The following FOXN2 variants were observed in gnomAD, a reference collection of about 807,000 sequenced individuals.
The protein encoded by FOXN2 is forkhead box protein N2.
Under a neutral mutation model 41.2 loss-of-function variants are expected in FOXN2, and 19 were observed. That is an observed-to-expected ratio of 0.46 (90% confidence interval 0.32 to 0.68). FOXN2 has a LOEUF of 0.68. Among genes scored for constraint, FOXN2 ranks in the 30% least tolerant of loss-of-function variants. FOXN2 has a pLI of 0.03. For missense variants in FOXN2, 587 were observed against 509.4 expected (o/e 1.15, Z -1.47); for synonymous variants, 195 against 176.8 (o/e 1.10, Z -0.82).
At chr2:48,338,151 C>T (rs988139693) in intron 2 of FOXN2, among the ~76,000 whole-genome samples, 4 of 152,194 alleles carry the variant, frequency 2.6e-5, no homozygotes, top group Admixed American at 1.3e-4. Flanking sequence ...ATAGGTAACA[C>T]AAAAAAACTT....
intron 4 of FOXN2, among the ~76,000 whole-genome samples, chr2:48,361,246 C>T (rs902698486): frequency 3.3e-5 from 5 of 151,982 alleles, no homozygotes; most frequent in Admixed American, 6.6e-5. Flanking sequence ...GCCAGTGGAT[C>T]ACCTGAGGTC....
upstream of FOXN2, chr2:48,314,569 C>T (rs1021704643): frequency 2.0e-5 from 3 of 152,050 alleles, no homozygotes; most frequent in African/African-American, 7.2e-5. Flanking sequence ...GGAGGCGGGA[C>T]TGGAGGGAGG....
intron 3 of FOXN2, among the ~76,000 whole-genome samples, chr2:48,349,412 A>G (rs775441856): frequency 1.3e-5 from 2 of 152,078 alleles, no homozygotes; most frequent in Non-Finnish European, 2.9e-5. Flanking sequence ...GAACCCTCGG[A>G]GGTTGCAGTG....
chr2:48,336,128 G>A (rs971481317), intron 2 of FOXN2, among the ~76,000 whole-genome samples: 2 of 151,966 alleles, frequency 1.3e-5, no homozygotes, highest in African/African-American at 2.4e-5. Context: ...TTGTTGCTTG[G>A]CACGGTGGCT....
intron 6 of FOXN2, 103 bp downstream of exon 6, chr2:48,373,463 A>G: frequency 1.5e-6 from 1 of 681,264 alleles, no homozygotes; most frequent in Non-Finnish European, 2.5e-6. Flanking sequence ...CTTTCCAACC[A>G]AATTGTATTT....
intron 2 of FOXN2, among the ~76,000 whole-genome samples, chr2:48,330,059 AAAAT>A (rs905034509): frequency 1.3e-5 from 2 of 152,130 alleles, no homozygotes; most frequent in African/African-American, 4.8e-5. Context: ...CCAAGAAAAA[AAAAT>A]AAATAAATAA....
intron 2 of FOXN2, among the ~76,000 whole-genome samples, chr2:48,330,888 GTAGGC>G (rs1174953007): frequency 3.9e-5 from 6 of 152,160 alleles, no homozygotes; most frequent in African/African-American, 9.6e-5. Flanking sequence ...AATTTTATCT[GTAGGC>G]TAGATGCTGC....
At chr2:48,315,319 G>T (rs1385733892) in intron 1 of FOXN2, among the ~76,000 whole-genome samples, 1 of 152,222 alleles carries the variant, frequency 6.6e-6, no homozygotes, top group Non-Finnish European at 1.5e-5. Context: ...GCCCCAGTTG[G>T]GACTGGCTGG....
intron 3 of FOXN2, among the ~76,000 whole-genome samples, chr2:48,351,946 G>T (rs1285050981): frequency 6.6e-6 from 1 of 152,162 alleles, no homozygotes; most frequent in East Asian, 1.9e-4. Context: ...GGGAGTTTGG[G>T]GCAGTAGGCA....
chr2:48,370,719 T>C (rs1451986364), intron 5 of FOXN2, among the ~76,000 whole-genome samples: 2 of 152,160 alleles, frequency 1.3e-5, no homozygotes, highest in East Asian at 3.8e-4. Context: ...CCCTGTCAGA[T>C]GAGTAGTTTG....
At position 48,378,806 on chromosome 2, in the gene FOXN2, A is replaced by G. The variant is rs1365190633; in HGVS notation, c.*3363A>G. The stretch of plus-strand genomic sequence containing the variant: ...AGGTGAATTCGAGTATTTTAATGTT[A>G]TACCTGCCATTTTTTTTCTTAAAGC... On this transcript the variant is annotated 3_prime_UTR_variant, in exon 7 of 7. Transcript: ENST00000340553. 2 of 152,142 alleles carry G rather than the reference A, an allele frequency of 1.3e-5. No homozygotes were observed. Among genetic ancestry groups the G allele is most frequent in the African/African-American group, 4.8e-5 (2 of 41,296 alleles). 9.4% of individuals were successfully genotyped at this position (152,142 alleles called of 1,614,324 possible). A position where few individuals can be genotyped will look rare whatever the true frequency, so the allele number is the denominator to read the frequency against.
At chr2:48,319,675 A>G (rs1348265415) in intron 1 of FOXN2, among the ~76,000 whole-genome samples, 2 of 150,616 alleles carry the variant, frequency 1.3e-5, no homozygotes, top group African/African-American at 4.9e-5. Flanking sequence ...AGTGGTAACA[A>G]TCACAGTGCA....
Position 48,356,438 on chromosome 2 carries a change from CA to C in FOXN2, c.538-2597del, listed in dbSNP as rs531666142. Among the ~76,000 whole-genome samples the C allele has an allele frequency of 8.0e-4, 114 of 143,262 alleles. 1 individual carries two copies. Among genetic ancestry groups the C allele is most frequent in the African/African-American group, 1.5e-3 (59 of 39,244 alleles). 94.0% of individuals were successfully genotyped at this position (143,262 alleles called of 152,430 possible). A position where few individuals can be genotyped will look rare whatever the true frequency, so the allele number is the denominator to read the frequency against. ...CCTGATTGACACAGCGAGACTGTCTCAAAAAAAAAAAAGTTAATATCCAAGT... is the reference window on the plus strand; with the variant it reads ...CCTGATTGACACAGCGAGACTGTCTCAAAAAAAAAAAGTTAATATCCAAGT... On this transcript the variant is annotated intron_variant, in intron 3 of 6. Transcript: ENST00000340553.
chr2:48,358,970 CACATTTATTTAAA>C, intron 3 of FOXN2, 64 bp from the exon 4 acceptor site: 1 of 1,104,442 alleles, frequency 9.1e-7, no homozygotes, highest in South Asian at 1.4e-5. Context: ...TTTACCCCTG[CACATTTATTTAAA>C]ACATTTAGAC....
chr2:48,371,799 T>G (rs1215733969), intron 5 of FOXN2, among the ~76,000 whole-genome samples: 2 of 152,178 alleles, frequency 1.3e-5, no homozygotes, highest in African/African-American at 2.4e-5. Flanking sequence ...TTGTAGCTAT[T>G]GTGAATGAGA....
chr2:48,368,978 A>C (rs544186274), intron 5 of FOXN2, among the ~76,000 whole-genome samples: 3 of 152,198 alleles, frequency 2.0e-5, no homozygotes, highest in Non-Finnish European at 4.4e-5. Flanking sequence ...TTTTGCAAAG[A>C]AGTGTTTGGT....
chr2:48,323,033 A>G (rs2104113164), intron 1 of FOXN2, among the ~76,000 whole-genome samples: 1 of 152,138 alleles, frequency 6.6e-6, no homozygotes, highest in East Asian at 1.9e-4. Flanking sequence ...TATTCTTCTA[A>G]ACATACATTC....
intron 5 of FOXN2, among the ~76,000 whole-genome samples, chr2:48,371,815 A>G (rs1672912860): frequency 6.6e-6 from 1 of 152,094 alleles, no homozygotes; most frequent in South Asian, 2.1e-4. Flanking sequence ...TGAGATTGCC[A>G]TCTTGATTTC....
rs190969621 is a variant in FOXN2, at chr2:48,356,325, C to A, written c.538-2722C>A. ...GCATGGTGGTGCACACCTGTAATCCCAGCTACTTGGGAGGCTGAGGCAAGG... is the reference window on the plus strand; with the variant it reads ...GCATGGTGGTGCACACCTGTAATCCAAGCTACTTGGGAGGCTGAGGCAAGG... On this transcript the variant is annotated intron_variant, in intron 3 of 6. Transcript: ENST00000340553. Among the ~76,000 whole-genome samples, 1,252 of 151,954 alleles carry A rather than the reference C, an allele frequency of 8.2e-3. 9 individuals are homozygous for A. The highest frequency in any genetic ancestry group is 0.029 in the South Asian group (139 of 4,794).
Sources: gnomAD v4.1 joint callset for allele counts (sites outside exome capture counted in the v4.1 genomes callset) on GRCh38, gnomAD v4.1.1 for gene constraint, MANE v1.5 for transcripts, NCBI Gene and HGNC (gene_info 2026-07-23, HGNC 2026-07-21) for gene names.